TFAP2B: variants seen among roughly 807,000 people sequenced by gnomAD.
The protein encoded by TFAP2B is transcription factor AP-2 beta.
A neutral mutation model predicts 44.3 loss-of-function variants in TFAP2B; 9 were observed. The ratio of observed to expected loss-of-function variants is 0.20; its 90% CI spans 0.12 to 0.35. The LOEUF (loss-of-function observed/expected upper bound fraction) is 0.35. TFAP2B is among the 10% of genes least tolerant of loss of function. TFAP2B has a pLI of 1.00. For synonymous variants in TFAP2B, 270 were observed against 263.8 expected, an observed-to-expected ratio of 1.02 and a Z score of -0.23; for missense variants, 509 against 600.0, an observed-to-expected ratio of 0.85 and a Z score of 1.59.
intron 2 of TFAP2B, among the ~76,000 whole-genome samples, chr6:50,825,759 G>A (rs556493994): frequency 6.6e-6 from 1 of 152,256 alleles, no homozygotes; most frequent in Admixed American, 6.5e-5. Flanking sequence ...GCACACCGGA[G>A]CCACTTGCAG....
At chr6:50,831,438 C>G (rs1222954528) in intron 3 of TFAP2B, among the ~76,000 whole-genome samples, 1 of 152,172 alleles carries the variant, frequency 6.6e-6, no homozygotes, top group Non-Finnish European at 1.5e-5. Context: ...GCTGCCTAGT[C>G]TCAACTCCAT....
At chr6:50,818,832 A>T (rs1402220756), upstream of TFAP2B, 1 of 1,522,818 alleles carries the variant, frequency 6.6e-7, no homozygotes, top group Non-Finnish European at 9.1e-7. Flanking sequence ...ATTTCCAATT[A>T]TAGATGGATC....
Position 50,843,108 on chromosome 6 carries a change from T to C in TFAP2B, c.1099T>C (p.Phe367Leu), listed in dbSNP as rs760353962. The change falls in exon 7 of 7, where the codon TTT (phenylalanine) becomes CTT (leucine). Residue 367 changes from phenylalanine to leucine, a missense_variant. Transcript: ENST00000393655. ...CCTTTGCAGGCAACTTTGTAAAGAATTTACGGATCTACTGGCGCAGGACCG... is the reference window on the plus strand; with the variant it reads ...CCTTTGCAGGCAACTTTGTAAAGAACTTACGGATCTACTGGCGCAGGACCG... ...LLATKQLCKE[F>L]TDLLAQDRTP... The C allele has an allele frequency of 6.2e-7, 1 of 1,614,206 alleles. No homozygotes were observed. The highest frequency in any genetic ancestry group is 8.5e-7 in the Non-Finnish European group (1 of 1,180,026).
chr6:50,839,377 G>T (rs1044823375), intron 5 of TFAP2B, among the ~76,000 whole-genome samples: 1 of 152,146 alleles, frequency 6.6e-6, no homozygotes, highest in African/African-American at 2.4e-5. Context: ...ATGTAGCTAT[G>T]GGGTATTTCA....
intron 3 of TFAP2B, chr6:50,830,181 T>A (rs1770636330): frequency 2.4e-6 from 1 of 422,690 alleles, no homozygotes; most frequent in South Asian, 9.9e-5. Context: ...TAGTTCCTCC[T>A]CCCTTTTCAT....
chr6:50,820,957 TAAAC>T (rs1346333868), intron 1 of TFAP2B, among the ~76,000 whole-genome samples: 3 of 150,438 alleles, frequency 2.0e-5, no homozygotes, highest in Admixed American at 6.6e-5. Flanking sequence ...GAAAGAGAAA[TAAAC>T]AGGGAGAGAG....
In TFAP2B at chr6:50,847,073, C is replaced by T. The variant is rs939372584; in HGVS notation, c.*3681C>T. 3.3e-5 allele frequency: 5 copies of T among 152,594 alleles called. No homozygotes were observed. Among genetic ancestry groups the T allele is most frequent in the African/African-American group, 9.7e-5 (4 of 41,424 alleles). 9.5% of individuals were successfully genotyped at this position (152,594 alleles called of 1,614,324 possible). On this transcript the variant is annotated 3_prime_UTR_variant, in exon 7 of 7. Coordinates refer to ENST00000393655, the MANE Select transcript of TFAP2B (RefSeq NM_003221.4). ...GAGAATTTGTCATCACATCTGATAT[C>T]CTGTACTTGTAATACATTATGTGGA...
intron 1 of TFAP2B, among the ~76,000 whole-genome samples, chr6:50,823,071 A>G (rs143586403): frequency 3.9e-4 from 59 of 152,296 alleles, no homozygotes; most frequent in African/African-American, 1.3e-3. Flanking sequence ...ATCTCCCTCC[A>G]TACACACTGT....
intron 1 of TFAP2B, chr6:50,822,275 C>T: frequency 1.1e-6 from 1 of 918,898 alleles, no homozygotes; most frequent in Non-Finnish European, 1.6e-6. Context: ...CTCTGTCTTC[C>T]TTTGAGCGCC....
intron 6 of TFAP2B, among the ~76,000 whole-genome samples, chr6:50,840,969 C>A (rs939327798): frequency 2.0e-5 from 3 of 152,220 alleles, no homozygotes; most frequent in Non-Finnish European, 4.4e-5. Flanking sequence ...CTCTTGCAGG[C>A]GCGGCCCAAA....
chr6:50,828,495 A>G, intron 2 of TFAP2B, 124 bp from the exon 3 acceptor site: 1 of 781,504 alleles, frequency 1.3e-6, no homozygotes. Context: ...AATAATAATA[A>G]AACAGCCCTT....
intron 6 of TFAP2B, among the ~76,000 whole-genome samples, chr6:50,842,199 C>CCCAAA: frequency 6.6e-6 from 1 of 152,318 alleles, no homozygotes; most frequent in Admixed American, 6.5e-5. Flanking sequence ...TGCTGTGTGT[C>CCCAAA]TGCCTGCCAG....
At chr6:50,836,813 C>CA (rs1349094277) in intron 4 of TFAP2B, among the ~76,000 whole-genome samples, 1 of 152,198 alleles carries the variant, frequency 6.6e-6, no homozygotes, top group African/African-American at 2.4e-5. Context: ...GTTTGATAAA[C>CA]TCTTTTTCTA....
At chr6:50,826,344 C>G (rs1770502595) in intron 2 of TFAP2B, among the ~76,000 whole-genome samples, 1 of 152,128 alleles carries the variant, frequency 6.6e-6, no homozygotes, top group Admixed American at 6.5e-5. Context: ...GCCTATGGGT[C>G]GAGGGTTTTG....
chr6:50,825,595 A>G (rs986890610), intron 2 of TFAP2B, among the ~76,000 whole-genome samples: 1 of 152,234 alleles, frequency 6.6e-6, no homozygotes, highest in African/African-American at 2.4e-5. Flanking sequence ...AGAGAAAAAC[A>G]GGGCCAGATC....
At position 50,823,505 on chromosome 6, in the gene TFAP2B, C is replaced by G. The variant is rs1770413771; in HGVS notation, c.180C>G (p.Thr60=). The change falls in exon 2 of 7, where the codon ACC becomes ACG. Residue 60 remains threonine (T), a synonymous_variant. Coordinates refer to ENST00000393655, the MANE Select transcript of TFAP2B (RefSeq NM_003221.4). ...CGAGCGCCCCGCCGCTGTCCCACAC[C>G]CCGTCGTCGGACTTCCAGCCGCCCT... ...PYSSAPPLSH[T]PSSDFQPPYF... The G allele has an allele frequency of 6.2e-7, 1 of 1,613,774 alleles. No individual in the cohort carries two copies. Among genetic ancestry groups the G allele is most frequent in the South Asian group, 1.1e-5 (1 of 91,016 alleles).
chr6:50,829,270 G>A (rs1444688115), intron 3 of TFAP2B, among the ~76,000 whole-genome samples: 1 of 152,172 alleles, frequency 6.6e-6, no homozygotes, highest in African/African-American at 2.4e-5. Flanking sequence ...TAGTGTGACT[G>A]TGGAATCACC....
At chr6:50,842,639 C>T (rs907774060) in intron 6 of TFAP2B, among the ~76,000 whole-genome samples, 1 of 152,224 alleles carries the variant, frequency 6.6e-6, no homozygotes, top group African/African-American at 2.4e-5. Flanking sequence ...GTGCCAGGGA[C>T]AGGCTTGTGG....
At chr6:50,832,914 T>G (rs959418646) in intron 3 of TFAP2B, among the ~76,000 whole-genome samples, 1 of 152,218 alleles carries the variant, frequency 6.6e-6, no homozygotes, top group African/African-American at 2.4e-5. Flanking sequence ...TTTTTAGCCT[T>G]TTTTTACTTC....
Sources: gnomAD v4.1 joint callset for allele counts (sites outside exome capture counted in the v4.1 genomes callset) on GRCh38, gnomAD v4.1.1 for gene constraint, MANE v1.5 for transcripts, NCBI Gene and HGNC (gene_info 2026-07-23, HGNC 2026-07-21) for gene names.